Variants in TAFA2 observed in about 807,000 individuals in gnomAD.
TAFA2 encodes the protein TAFA chemokine like family member 2.
Under a neutral mutation model 18.8 loss-of-function variants are expected in TAFA2, and 7 were observed. The observed-to-expected ratio is 0.37, with a 90% CI of 0.21 to 0.70. The LOEUF (loss-of-function observed/expected upper bound fraction) is 0.70. TAFA2 is among the 30% of genes least tolerant of loss of function. The pLI, the probability that TAFA2 is intolerant of heterozygous loss-of-function variation, is 0.53. For synonymous variants in TAFA2, 60 were observed against 54.2 expected (o/e 1.11, Z -0.47); for missense variants, 122 against 158.1 (o/e 0.77, Z 1.23).
chr12:62,043,747 T>C (rs1881832407), intron 1 of TAFA2, among the ~76,000 whole-genome samples: 1 of 152,178 alleles, frequency 6.6e-6, no homozygotes, highest in Non-Finnish European at 1.5e-5. Flanking sequence ...AAGGTAAGAA[T>C]TATATCTTGC....
intron 4 of TAFA2, among the ~76,000 whole-genome samples, chr12:61,733,149 T>A (rs1322911856): frequency 6.6e-6 from 1 of 152,132 alleles, no homozygotes; most frequent in Non-Finnish European, 1.5e-5. Context: ...TGTGTTTGAG[T>A]TCATTGTAGA....
chr12:61,832,088 G>A (rs1872741616), intron 2 of TAFA2, among the ~76,000 whole-genome samples: 1 of 151,994 alleles, frequency 6.6e-6, no homozygotes, highest in African/African-American at 2.4e-5. Flanking sequence ...ATGTGATCTT[G>A]CCACTCAATC....
At chr12:61,921,494 AG>A (rs1432804568) in intron 1 of TAFA2, among the ~76,000 whole-genome samples, 4 of 152,114 alleles carry the variant, frequency 2.6e-5, no homozygotes, top group Non-Finnish European at 4.4e-5. Flanking sequence ...GAAATGGAAA[AG>A]GCTATGGCTG....
intron 1 of TAFA2, among the ~76,000 whole-genome samples, chr12:62,240,742 A>G (rs2062859025): frequency 6.6e-6 from 1 of 152,176 alleles, no homozygotes; most frequent in East Asian, 1.9e-4. Flanking sequence ...ACGGACCGGT[A>G]GCAGTCCATG....
intron 1 of TAFA2, among the ~76,000 whole-genome samples, chr12:61,903,211 TACCATA>T (rs1876189896): frequency 6.6e-6 from 1 of 152,092 alleles, no homozygotes; most frequent in South Asian, 2.1e-4. Context: ...CCAACCTCCT[TACCATA>T]ACCTAATAGA....
chr12:61,987,565 C>T (rs374690335), intron 1 of TAFA2, among the ~76,000 whole-genome samples: 94 of 152,184 alleles, frequency 6.2e-4, no homozygotes, highest in African/African-American at 2.1e-3. Context: ...AGATGCCAAA[C>T]TACCACAAGT....
intron 1 of TAFA2, among the ~76,000 whole-genome samples, chr12:61,915,027 G>T (rs578185979): frequency 1.3e-5 from 2 of 152,098 alleles, no homozygotes; most frequent in Admixed American, 6.6e-5. Context: ...TGGGCTTGGT[G>T]GTGGACACCT....
intron 1 of TAFA2, among the ~76,000 whole-genome samples, chr12:62,097,212 C>T (rs1261184086): frequency 6.6e-6 from 1 of 152,048 alleles, no homozygotes; most frequent in Non-Finnish European, 1.5e-5. Context: ...AGATGTTAAA[C>T]AAACAAATAT....
At chr12:62,027,829 T>C (rs1432069048) in intron 1 of TAFA2, among the ~76,000 whole-genome samples, 3 of 152,216 alleles carry the variant, frequency 2.0e-5, no homozygotes, top group Non-Finnish European at 4.4e-5. Context: ...TCCAGGTATC[T>C]GCCTGTAAAA....
chr12:62,133,532 C>T (rs1261592211), intron 1 of TAFA2, among the ~76,000 whole-genome samples: 1 of 152,020 alleles, frequency 6.6e-6, no homozygotes, highest in Non-Finnish European at 1.5e-5. Flanking sequence ...TTTCCTCAAT[C>T]ATCCCAGAAA....
chr12:62,023,137 G>A (rs904332055), intron 1 of TAFA2, among the ~76,000 whole-genome samples: 1 of 152,174 alleles, frequency 6.6e-6, no homozygotes, highest in African/African-American at 2.4e-5. Context: ...CGGGTTCATA[G>A]AGAGCCAAGG....
chr12:62,178,624 TTC>T (rs1362938148), intron 1 of TAFA2, among the ~76,000 whole-genome samples: 1 of 152,194 alleles, frequency 6.6e-6, no homozygotes, highest in East Asian at 1.9e-4. Context: ...TTTAAGTCAG[TTC>T]TCTTTCTCCC....
chr12:61,792,893 T>G (rs886607859), intron 2 of TAFA2, among the ~76,000 whole-genome samples: 1 of 151,382 alleles, frequency 6.6e-6, no homozygotes, highest in Non-Finnish European at 1.5e-5. Context: ...TATAGAAAAT[T>G]TGCACAACAT....
At chr12:61,941,489 C>T (rs543952727) in intron 1 of TAFA2, among the ~76,000 whole-genome samples, 27 of 152,306 alleles carry the variant, frequency 1.8e-4, no homozygotes, top group African/African-American at 5.3e-4. Flanking sequence ...TCTACAGCTC[C>T]CAGCTTGAGC....
intron 1 of TAFA2, among the ~76,000 whole-genome samples, chr12:62,027,755 T>TA: frequency 6.6e-6 from 1 of 152,160 alleles, no homozygotes; most frequent in African/African-American, 2.4e-5. Flanking sequence ...GAAACTAAAG[T>TA]ACACAAGGAT....
chr12:61,973,586 A>G (rs914999873), intron 1 of TAFA2, among the ~76,000 whole-genome samples: 1 of 151,636 alleles, frequency 6.6e-6, no homozygotes, highest in African/African-American at 2.4e-5. Flanking sequence ...CAGAACAATT[A>G]TATCTCAATC....
At chr12:62,096,410 A>T (rs1231623131) in intron 1 of TAFA2, among the ~76,000 whole-genome samples, 3 of 152,176 alleles carry the variant, frequency 2.0e-5, no homozygotes, top group African/African-American at 7.2e-5. Flanking sequence ...ATACACAGAC[A>T]CATAAGATGT....
intron 2 of TAFA2, among the ~76,000 whole-genome samples, chr12:61,812,742 G>T (rs1871926288): frequency 6.6e-6 from 1 of 150,696 alleles, no homozygotes; most frequent in Non-Finnish European, 1.5e-5. Flanking sequence ...GATAACTTTT[G>T]TATTTTTAGT....
intron 2 of TAFA2, among the ~76,000 whole-genome samples, chr12:61,795,488 C>T (rs1037172246): frequency 2.6e-5 from 4 of 151,866 alleles, no homozygotes; most frequent in Admixed American, 6.6e-5. Context: ...GGACAAAAAA[C>T]CAAACACCAC....
Sources: allele counts gnomAD v4.1 joint callset (sites outside exome capture counted in the v4.1 genomes callset), GRCh38; gene constraint gnomAD v4.1.1; transcripts MANE v1.5; gene names NCBI Gene and HGNC (gene_info 2026-07-23, HGNC 2026-07-21).